Variants in PTN observed in about 807,000 individuals in gnomAD.
PTN encodes pleiotrophin, also known as heparin affin regulatory protein.
Under a neutral mutation model 24.1 loss-of-function variants are expected in PTN, and 18 were observed. The ratio of observed to expected loss-of-function variants is 0.75; its 90% CI spans 0.52 to 1.11. PTN has a LOEUF of 1.11. PTN is among the 50% of genes least tolerant of loss of function. PTN has a pLI of 0.00. For synonymous variants in PTN, 78 were observed against 68.6 expected, an observed-to-expected ratio of 1.14 and a Z score of -0.67; for missense variants, 163 against 198.8, an observed-to-expected ratio of 0.82 and a Z score of 1.08.
intron 1 of PTN, among the ~76,000 whole-genome samples, chr7:137,278,485 GT>G (rs1441137037): frequency 6.6e-6 from 1 of 152,054 alleles, no homozygotes; most frequent in Non-Finnish European, 1.5e-5. Context: ...CACAGAAATA[GT>G]CATGAGAAAG....
intron 4 of PTN, among the ~76,000 whole-genome samples, chr7:137,232,213 T>G (rs1246609684): frequency 6.6e-6 from 1 of 151,942 alleles, no homozygotes; most frequent in East Asian, 1.9e-4. Flanking sequence ...AAACAGAGAA[T>G]GAGCCATTGT....
chr7:137,293,661 CAG>C (rs1809675091), intron 1 of PTN, among the ~76,000 whole-genome samples: 1 of 152,066 alleles, frequency 6.6e-6, no homozygotes, highest in South Asian at 2.1e-4. Flanking sequence ...CACTGCAAAA[CAG>C]AGTGGGAAAT....
intron 1 of PTN, among the ~76,000 whole-genome samples, chr7:137,257,231 T>C (rs1808943397): frequency 6.6e-6 from 1 of 152,240 alleles, no homozygotes; most frequent in Non-Finnish European, 1.5e-5. Flanking sequence ...CAATATAAGA[T>C]AAGGTGCTTT....
intron 1 of PTN, among the ~76,000 whole-genome samples, chr7:137,293,702 G>A (rs1370980394): frequency 7.2e-5 from 11 of 152,006 alleles, no homozygotes; most frequent in Admixed American, 3.9e-4. Context: ...CCCTGCCGCC[G>A]CACATGCATA....
intron 1 of PTN, among the ~76,000 whole-genome samples, chr7:137,307,270 C>T (rs532353856): frequency 6.6e-6 from 1 of 152,142 alleles, no homozygotes; most frequent in South Asian, 2.1e-4. Context: ...GACAGCTGTT[C>T]GGTTCCTGAC....
At chr7:137,295,265 A>G (rs185270738) in intron 1 of PTN, among the ~76,000 whole-genome samples, 141 of 152,330 alleles carry the variant, frequency 9.3e-4, no homozygotes, top group African/African-American at 3.1e-3. Flanking sequence ...AGCTTGAAGT[A>G]TAGTAGATAT....
chr7:137,271,364 G>A (rs531575412), intron 1 of PTN, among the ~76,000 whole-genome samples: 2 of 152,164 alleles, frequency 1.3e-5, no homozygotes, highest in East Asian at 3.9e-4. Context: ...GTGACTAAAA[G>A]CATGGAGTCT....
chr7:137,299,440 G>A (rs1276790503), intron 1 of PTN, among the ~76,000 whole-genome samples: 1 of 151,890 alleles, frequency 6.6e-6, no homozygotes, highest in Non-Finnish European at 1.5e-5. Flanking sequence ...CATTAGGCCA[G>A]GTTCATAAGG....
intron 3 of PTN, among the ~76,000 whole-genome samples, chr7:137,251,771 T>C (rs1349264747): frequency 6.6e-6 from 1 of 152,004 alleles, no homozygotes; most frequent in Non-Finnish European, 1.5e-5. Flanking sequence ...AAATGTTGCA[T>C]AAATGGAATT....
chr7:137,254,928 C>A lies in PTN; in HGVS notation c.46G>T (p.Ala16Ser), dbSNP rs1402999654. The stretch of plus-strand genomic sequence containing the variant: ...AGTATGAAAATGAATGCCAAGAAGG[C>A]AGCTGCAAATTTTCGACGCTGCTGC... The part of the protein sequence containing the change: ...YQQQRRKFAA[A>S]FLAFIFILAA... Residue 16 changes from alanine (A) to serine (S), a missense_variant, in exon 2 of 5, where the codon GCC becomes TCC. Physicochemically the swap from Ala to Ser is moderately conservative, Grantham distance 99. Transcript: ENST00000348225. 6.3e-7 allele frequency: 1 copy of A among 1,580,224 alleles called. No homozygotes were observed. The highest frequency in any genetic ancestry group is 1.7e-5 in the Admixed American group (1 of 59,750).
At chr7:137,300,509 G>A (rs776528694) in intron 1 of PTN, among the ~76,000 whole-genome samples, 4 of 151,938 alleles carry the variant, frequency 2.6e-5, no homozygotes, top group Non-Finnish European at 4.4e-5. Context: ...ATTGTGGAAA[G>A]AGACAGGAGC....
chr7:137,309,279 A>G (rs1809942878), intron 1 of PTN, among the ~76,000 whole-genome samples: 1 of 152,212 alleles, frequency 6.6e-6, no homozygotes, highest in Non-Finnish European at 1.5e-5. Context: ...ATTTATCTCA[A>G]TTTTAAAATA....
rs71176391 is a variant in PTN at position 137,278,306 on chromosome 7, C to CAAAAAA, written c.-1-23338_-1-23333dup. On this transcript the variant is annotated intron_variant, in intron 1 of 4. Coordinates refer to ENST00000348225, the MANE Select transcript of PTN (RefSeq NM_002825.7). ...TGGGCGACAGAGCGAGACTCCGTCT[C>CAAAAAA]AAAAAAAAAAAAAAAAAAAAAAAAA... 2.0e-3 allele frequency among the ~76,000 whole-genome samples: 126 copies of CAAAAAA among 62,856 alleles called. 1 individual carries two copies. The highest frequency in any genetic ancestry group is 8.6e-3 in the South Asian group (10 of 1,168). 41.2% of individuals were successfully genotyped at this position (62,856 alleles called of 152,430 possible).
intron 1 of PTN, among the ~76,000 whole-genome samples, chr7:137,295,446 G>C: frequency 6.6e-6 from 1 of 151,984 alleles, no homozygotes; most frequent in East Asian, 1.9e-4. Flanking sequence ...TTTCTCATCT[G>C]TTCTAGAGCC....
intron 1 of PTN, among the ~76,000 whole-genome samples, chr7:137,335,496 T>C (rs999010764): frequency 2.0e-5 from 3 of 152,218 alleles, no homozygotes; most frequent in Admixed American, 2.0e-4. Flanking sequence ...ATATTGACAA[T>C]GATCCTCATC....
intron 1 of PTN, among the ~76,000 whole-genome samples, chr7:137,327,187 C>A (rs1227151033): frequency 1.3e-5 from 2 of 152,170 alleles, no homozygotes; most frequent in Non-Finnish European, 2.9e-5. Context: ...CTCTCCACCT[C>A]TGATCTGTTA....
At chr7:137,317,252 G>A in intron 1 of PTN, among the ~76,000 whole-genome samples, 1 of 152,194 alleles carries the variant, frequency 6.6e-6, no homozygotes, top group East Asian at 1.9e-4. Flanking sequence ...GCCATGGAGA[G>A]CTTTCTTCAT....
intron 1 of PTN, among the ~76,000 whole-genome samples, chr7:137,276,277 G>A (rs1809357468): frequency 6.6e-6 from 1 of 152,098 alleles, no homozygotes; most frequent in Non-Finnish European, 1.5e-5. Context: ...TTATTGCAAG[G>A]CAAGTCCCTG....
chr7:137,304,184 T>G (rs754543819), intron 1 of PTN, among the ~76,000 whole-genome samples: 1 of 152,042 alleles, frequency 6.6e-6, no homozygotes, highest in Admixed American at 6.6e-5. Flanking sequence ...TCCTCTGATC[T>G]TTCCCTTCTT....
Sources: gnomAD v4.1 joint callset for allele counts (sites outside exome capture counted in the v4.1 genomes callset) on GRCh38, gnomAD v4.1.1 for gene constraint, MANE v1.5 for transcripts, NCBI Gene and HGNC (gene_info 2026-07-23, HGNC 2026-07-21) for gene names.